GALNTL6: variants seen among roughly 807,000 people sequenced by gnomAD.
GALNTL6 encodes polypeptide N-acetylgalactosaminyltransferase like 6.
A neutral mutation model predicts 73.7 loss-of-function variants in GALNTL6; 46 were observed. The observed-to-expected ratio is 0.62, with a 90% CI of 0.49 to 0.80. The LOEUF (loss-of-function observed/expected upper bound fraction) is 0.80. GALNTL6 is among the 30% of genes least tolerant of loss of function. The pLI is 0.00. For synonymous variants in GALNTL6, 259 were observed against 263.7 expected, an observed-to-expected ratio of 0.98 and a Z score of 0.17; for missense variants, 604 against 755.0, an observed-to-expected ratio of 0.80 and a Z score of 2.34.
rs184470890 is a variant in GALNTL6 at position 172,765,920 on chromosome 4, C to T, written c.554-43441C>T. Among the ~76,000 whole-genome samples, 10 of 151,316 alleles carry T rather than the reference C, an allele frequency of 6.6e-5. No individual in the cohort carries two copies. In the East Asian group the frequency reaches 1.7e-3, roughly 26 times the overall value. On this transcript the variant is annotated intron_variant, in intron 5 of 12. Coordinates refer to ENST00000506823, the MANE Select transcript of GALNTL6 (RefSeq NM_001034845.3). ...CCATATTTTTTAAAAAAAGAAAAGA[C>T]ACCATATTTCAAGGCCATATTTCAG...
intron 2 of GALNTL6, among the ~76,000 whole-genome samples, chr4:171,912,440 A>T (rs1361345936): frequency 6.6e-6 from 1 of 152,168 alleles, no homozygotes; most frequent in Non-Finnish European, 1.5e-5. Flanking sequence ...CAATAGTTGT[A>T]CATATTTTGG....
intron 5 of GALNTL6, among the ~76,000 whole-genome samples, chr4:172,629,534 A>T (rs1181535424): frequency 6.6e-6 from 1 of 152,132 alleles, no homozygotes; most frequent in African/African-American, 2.4e-5. Context: ...TTACTTTTGC[A>T]TTTAATTAAA....
intron 5 of GALNTL6, among the ~76,000 whole-genome samples, chr4:172,560,187 A>G (rs1264211011): frequency 6.6e-6 from 1 of 152,162 alleles, no homozygotes; most frequent in African/African-American, 2.4e-5. Flanking sequence ...AAAGAAGCAG[A>G]AGTGAGGTGG....
intron 5 of GALNTL6, among the ~76,000 whole-genome samples, chr4:172,554,101 T>C (rs952426166): frequency 6.6e-6 from 1 of 152,182 alleles, no homozygotes; most frequent in East Asian, 1.9e-4. Context: ...TTGTTCCAAT[T>C]GCCATTGCCT....
chr4:172,241,327 T>C (rs2110993084), intron 3 of GALNTL6, among the ~76,000 whole-genome samples: 1 of 152,148 alleles, frequency 6.6e-6, no homozygotes, highest in African/African-American at 2.4e-5. Flanking sequence ...ATACTAGAGG[T>C]GAGTAATAAG....
chr4:172,348,199 T>C (rs1318251639), intron 4 of GALNTL6, among the ~76,000 whole-genome samples: 3 of 152,346 alleles, frequency 2.0e-5, no homozygotes, highest in East Asian at 1.9e-4. Flanking sequence ...ACAGTTTTAA[T>C]GCATATTACT....
intron 7 of GALNTL6, among the ~76,000 whole-genome samples, chr4:172,841,302 T>G (rs1743193053): frequency 6.6e-6 from 1 of 152,204 alleles, no homozygotes. Context: ...ATTTCAAGTG[T>G]TCCGTGCATA....
At position 172,606,555 on chromosome 4, in the gene GALNTL6, A is replaced by C. The variant is rs563527907; in HGVS notation, c.554-202806A>C. On this transcript the variant is annotated intron_variant, in intron 5 of 12. Transcript: ENST00000506823. The stretch of plus-strand genomic sequence containing the variant: ...ATGGATATAAGAAGGAAGTGTATAT[A>C]TATATATATACATATACATAGTATA... 3.1e-5 allele frequency among the ~76,000 whole-genome samples: 4 copies of C among 130,796 alleles called. No individual in the cohort carries two copies. The South Asian group carries it at 7.3e-4, about 24-fold the overall frequency. The allele number at this position is 130,796 out of a possible 152,430, so 85.8% of individuals were successfully genotyped here.
At chr4:172,624,243 A>G (rs1481989932) in intron 5 of GALNTL6, among the ~76,000 whole-genome samples, 2 of 151,910 alleles carry the variant, frequency 1.3e-5, no homozygotes, top group African/African-American at 2.4e-5. Context: ...ACTTAACAGG[A>G]GTGCTTTTTT....
Position 171,957,541 on chromosome 4 carries a change from C to T in GALNTL6, c.138+142823C>T, listed in dbSNP as rs76071412. ...GAGATGGTGTCACCTTCATTAAATG[C>T]GTGGAGGAACAGTATTTACTTTTCC... On this transcript the variant is annotated intron_variant, in intron 2 of 12. Coordinates refer to ENST00000506823, the MANE Select transcript of GALNTL6 (RefSeq NM_001034845.3). Among the ~76,000 whole-genome samples, 263 of 152,256 alleles carry T rather than the reference C, an allele frequency of 1.7e-3. 2 individuals are homozygous for T. Among genetic ancestry groups the T allele is most frequent in the Admixed American group, 0.011 (175 of 15,282 alleles).
At chr4:172,546,992 T>A (rs1336784162) in intron 5 of GALNTL6, among the ~76,000 whole-genome samples, 1 of 151,222 alleles carries the variant, frequency 6.6e-6, no homozygotes, top group Non-Finnish European at 1.5e-5. Context: ...CAACAATAGC[T>A]CCCCAAGCTC....
chr4:172,027,050 C>G (rs552182819), intron 2 of GALNTL6, among the ~76,000 whole-genome samples: 1 of 152,044 alleles, frequency 6.6e-6, no homozygotes, highest in East Asian at 1.9e-4. Context: ...CCACCATGCC[C>G]AGCCAGCCAA....
At chr4:172,123,537 C>G (rs1733210462) in intron 2 of GALNTL6, among the ~76,000 whole-genome samples, 1 of 129,284 alleles carries the variant, frequency 7.7e-6, no homozygotes, top group African/African-American at 2.9e-5. Context: ...GAGTCTCACT[C>G]TGTCGCCAGG....
chr4:171,971,043 C>A (rs927714772), intron 2 of GALNTL6, among the ~76,000 whole-genome samples: 2 of 152,130 alleles, frequency 1.3e-5, no homozygotes, highest in African/African-American at 4.8e-5. Flanking sequence ...TAAGCTCCTG[C>A]ATGGAGGAGA....
chr4:172,570,659 CTT>C (rs1429557617), intron 5 of GALNTL6, among the ~76,000 whole-genome samples: 1 of 152,110 alleles, frequency 6.6e-6, no homozygotes, highest in Non-Finnish European at 1.5e-5. Flanking sequence ...TGGAAGAAAA[CTT>C]TTTCACAGAC....
At chr4:172,136,207 A>G (rs552899821) in intron 2 of GALNTL6, among the ~76,000 whole-genome samples, 1 of 152,228 alleles carries the variant, frequency 6.6e-6, no homozygotes, top group South Asian at 2.1e-4. Context: ...AGTAGACTCT[A>G]TATTACCTTT....
chr4:172,010,386 C>A lies in GALNTL6; in HGVS notation c.138+195668C>A, dbSNP rs544615201. Among the ~76,000 whole-genome samples the A allele has an allele frequency of 1.1e-4, 17 of 152,074 alleles. No individual in the cohort carries two copies. In the South Asian group the frequency reaches 3.5e-3, roughly 32 times the overall value. On this transcript the variant is annotated intron_variant, in intron 2 of 12. Transcript: ENST00000506823. ...CTACCTTAAACTGGTTAGAGAAAAA[C>A]CATGTTAGGTAATACCTTTGAATAC...
chr4:172,336,943 G>A (rs1013961368), intron 4 of GALNTL6, among the ~76,000 whole-genome samples: 6 of 152,102 alleles, frequency 3.9e-5, no homozygotes, highest in African/African-American at 9.7e-5. Flanking sequence ...ATTGGTACGC[G>A]TATATTTAGA....
At chr4:172,706,198 C>G (rs1275481842) in intron 5 of GALNTL6, among the ~76,000 whole-genome samples, 2 of 151,668 alleles carry the variant, frequency 1.3e-5, no homozygotes, top group African/African-American at 4.8e-5. Context: ...GCCTATTTTC[C>G]AGATCACTGG....
Sources: gnomAD v4.1 joint callset for allele counts (sites outside exome capture counted in the v4.1 genomes callset) on GRCh38, gnomAD v4.1.1 for gene constraint, MANE v1.5 for transcripts, NCBI Gene and HGNC (gene_info 2026-07-23, HGNC 2026-07-21) for gene names.